The following MAF variants were observed in gnomAD, a reference collection of about 807,000 sequenced individuals.
MAF encodes MAF bZIP transcription factor.
MAF carries 10 observed loss-of-function variants against 22.0 expected under a neutral mutation model. The ratio of observed to expected loss-of-function variants is 0.45; its 90% CI spans 0.28 to 0.77. The LOEUF (loss-of-function observed/expected upper bound fraction) is 0.77. Ranked by LOEUF, MAF falls within the 30% of genes least tolerant of loss-of-function variation. MAF has a pLI of 0.12. For synonymous variants in MAF, 337 were observed against 255.8 expected (o/e 1.32, Z -3.03); for missense variants, 544 against 548.4 (o/e 0.99, Z 0.08).
the MAF span, among the ~76,000 whole-genome samples, chr16:79,222,545 A>T: frequency 6.6e-6 from 1 of 152,208 alleles, no homozygotes; most frequent in African/African-American, 2.4e-5. Context: ...CTTCAATACA[A>T]ATGGACTAAA....
At chr16:79,206,929 T>C in the MAF span, among the ~76,000 whole-genome samples, 1 of 152,192 alleles carries the variant, frequency 6.6e-6, no homozygotes, top group Non-Finnish European at 1.5e-5. Context: ...AAGTGGCCTT[T>C]TGGAGCAGTT....
At chr16:79,364,977 G>T in the MAF span, among the ~76,000 whole-genome samples, 3 of 152,204 alleles carry the variant, frequency 2.0e-5, no homozygotes, top group Admixed American at 6.5e-5. Context: ...GAAGGAGTGG[G>T]AAGGGAAGTG....
the MAF span, among the ~76,000 whole-genome samples, chr16:79,422,886 G>T: frequency 6.6e-6 from 1 of 152,148 alleles, no homozygotes; most frequent in African/African-American, 2.4e-5. Context: ...TGCTGTCATG[G>T]AGAGACAGAT....
chr16:79,561,792 G>A, the MAF span, among the ~76,000 whole-genome samples: 12 of 152,194 alleles, frequency 7.9e-5, no homozygotes, highest in Non-Finnish European at 1.8e-4. Flanking sequence ...GGACTGAGAA[G>A]AGAGGAGACG....
the MAF span, among the ~76,000 whole-genome samples, chr16:79,323,108 C>G: frequency 2.4e-5 from 3 of 126,348 alleles, no homozygotes; most frequent in African/African-American, 9.0e-5. Context: ...GGAGATCAGC[C>G]ACTGCATTCC....
chr16:79,293,989 C>G, the MAF span, among the ~76,000 whole-genome samples: 4 of 152,130 alleles, frequency 2.6e-5, no homozygotes, highest in Non-Finnish European at 5.9e-5. Context: ...GAGATTTTCC[C>G]CACAGATTTG....
chr16:79,541,631 T>A, the MAF span, among the ~76,000 whole-genome samples: 1 of 151,670 alleles, frequency 6.6e-6, no homozygotes, highest in Non-Finnish European at 1.5e-5. Flanking sequence ...CCAGGGCCCT[T>A]GTTACCAGCT....
At chr16:79,342,304 G>C in the MAF span, among the ~76,000 whole-genome samples, 5 of 152,166 alleles carry the variant, frequency 3.3e-5, no homozygotes, top group African/African-American at 1.2e-4. Flanking sequence ...GGCCCTCGTT[G>C]CTCTCCAGCG....
the MAF span, among the ~76,000 whole-genome samples, chr16:79,326,225 A>C: frequency 6.6e-6 from 1 of 152,198 alleles, no homozygotes; most frequent in African/African-American, 2.4e-5. Context: ...GCCTCCCTGC[A>C]GAAATAATAA....
chr16:79,387,271 G>T, the MAF span, among the ~76,000 whole-genome samples: 1 of 152,150 alleles, frequency 6.6e-6, no homozygotes, highest in Non-Finnish European at 1.5e-5. Context: ...TCCCATCTCT[G>T]CTCTTTTAAC....
the MAF span, among the ~76,000 whole-genome samples, chr16:79,215,815 T>C: frequency 1.3e-5 from 2 of 152,220 alleles, no homozygotes; most frequent in Non-Finnish European, 2.9e-5. Flanking sequence ...CTTGGGTCTG[T>C]AGGAGTCCTC....
At chr16:79,347,242 G>A in the MAF span, among the ~76,000 whole-genome samples, 1 of 152,240 alleles carries the variant, frequency 6.6e-6, no homozygotes, top group Non-Finnish European at 1.5e-5. Flanking sequence ...CTGCACGTGT[G>A]GGCGTGCAGA....
chr16:79,496,202 A>T, the MAF span, among the ~76,000 whole-genome samples: 1 of 152,208 alleles, frequency 6.6e-6, no homozygotes, highest in Non-Finnish European at 1.5e-5. Flanking sequence ...GTCATGTCAG[A>T]TGGAAATAAG....
the MAF span, among the ~76,000 whole-genome samples, chr16:79,422,909 A>G: frequency 1.3e-5 from 2 of 152,186 alleles, no homozygotes; most frequent in Non-Finnish European, 2.9e-5. Context: ...TACTCAGTTA[A>G]GCAAATAAGA....
At chr16:79,429,742 G>C in the MAF span, among the ~76,000 whole-genome samples, 3 of 152,130 alleles carry the variant, frequency 2.0e-5, no homozygotes, top group Admixed American at 1.3e-4. Flanking sequence ...GACCCCTTTG[G>C]ATTCCTTGTG....
downstream of MAF, among the ~76,000 whole-genome samples, chr16:79,591,649 T>C (rs142401362): frequency 2.6e-5 from 4 of 152,344 alleles, no homozygotes; most frequent in East Asian, 5.8e-4. Flanking sequence ...TGAAAATTCA[T>C]AGAAAGATCT....
the MAF span, among the ~76,000 whole-genome samples, chr16:79,359,097 A>G: frequency 6.6e-6 from 1 of 152,336 alleles, no homozygotes; most frequent in South Asian, 2.1e-4. Context: ...GGAAGCTGGC[A>G]TGGGTTTGGA....
At chr16:79,419,390 G>A in the MAF span, among the ~76,000 whole-genome samples, 50 of 152,318 alleles carry the variant, frequency 3.3e-4, no homozygotes, top group African/African-American at 1.2e-3. Context: ...GAGAAAACAG[G>A]ACACAAGAGG....
At chr16:79,491,651 T>G in the MAF span, among the ~76,000 whole-genome samples, 1 of 152,154 alleles carries the variant, frequency 6.6e-6, no homozygotes, top group Non-Finnish European at 1.5e-5. Flanking sequence ...GACTAACATG[T>G]AACAAAATAA....
Sources: gnomAD v4.1 joint callset for allele counts (sites outside exome capture counted in the v4.1 genomes callset) on GRCh38, gnomAD v4.1.1 for gene constraint, MANE v1.5 for transcripts, NCBI Gene and HGNC (gene_info 2026-07-23, HGNC 2026-07-21) for gene names.